Variants in NRXN3 observed in about 807,000 individuals in gnomAD.
NRXN3 encodes neurexin 3, also known as neurexin III.
A neutral mutation model predicts 137.6 loss-of-function variants in NRXN3; 32 were observed. The ratio of observed to expected loss-of-function variants is 0.23; its 90% CI spans 0.18 to 0.31. The LOEUF (loss-of-function observed/expected upper bound fraction) is 0.31. NRXN3 is among the 10% of genes least tolerant of loss of function. NRXN3 has a pLI of 1.00. For missense variants in NRXN3, 1,574 were observed against 2,062.5 expected, an observed-to-expected ratio of 0.76 and a Z score of 4.59; for synonymous variants, 798 against 784.5, an observed-to-expected ratio of 1.02 and a Z score of -0.29.
chr14:78,979,844 C>G (rs934899171), intron 14 of NRXN3, among the ~76,000 whole-genome samples: 1 of 152,124 alleles, frequency 6.6e-6, no homozygotes, highest in Non-Finnish European at 1.5e-5. Flanking sequence ...CCCATCAGAT[C>G]TCATGAGACT....
chr14:78,340,068 A>T (rs1438292473), intron 4 of NRXN3, among the ~76,000 whole-genome samples: 1 of 152,250 alleles, frequency 6.6e-6, no homozygotes, highest in Non-Finnish European at 1.5e-5. Context: ...CTTAGAAAGC[A>T]GGTCTCATCC....
intron 4 of NRXN3, among the ~76,000 whole-genome samples, chr14:78,380,512 AAGG>A (rs2088877194): frequency 6.6e-6 from 1 of 152,144 alleles, no homozygotes; most frequent in South Asian, 2.1e-4. Flanking sequence ...CACAGACACA[AAGG>A]AGAAGGCAAT....
intron 5 of NRXN3, chr14:78,649,342 T>G: frequency 7.9e-7 from 1 of 1,273,258 alleles, no homozygotes; most frequent in Non-Finnish European, 1.0e-6. Context: ...TCTCTTTTTT[T>G]GGGTTTGCCG....
chr14:78,546,217 A>T (rs1239250963), intron 4 of NRXN3, among the ~76,000 whole-genome samples: 1 of 152,364 alleles, frequency 6.6e-6, no homozygotes, highest in East Asian at 1.9e-4. Flanking sequence ...CACATCCCTG[A>T]TAGTGATACG....
At chr14:78,314,942 T>TTCCTTC (rs2078472613) in intron 4 of NRXN3, among the ~76,000 whole-genome samples, 2 of 60,650 alleles carry the variant, frequency 3.3e-5, no homozygotes, top group African/African-American at 7.0e-5. Context: ...TTTCTTTCTT[T>TTCCTTC]CTTCCTTCCT....
At chr14:78,551,183 G>A (rs1034747111) in intron 4 of NRXN3, among the ~76,000 whole-genome samples, 1 of 152,224 alleles carries the variant, frequency 6.6e-6, no homozygotes, top group African/African-American at 2.4e-5. Context: ...GGGCCTCCAT[G>A]TAATCAGAGA....
intron 16 of NRXN3, among the ~76,000 whole-genome samples, chr14:79,496,254 C>G (rs201022697): frequency 7.6e-5 from 11 of 145,174 alleles, no homozygotes; most frequent in African/African-American, 2.7e-4. Flanking sequence ...CACACACACA[C>G]AGACACACAC....
chr14:79,470,026 A>G (rs1215531270), intron 16 of NRXN3, among the ~76,000 whole-genome samples: 1 of 152,172 alleles, frequency 6.6e-6, no homozygotes, highest in East Asian at 1.9e-4. Flanking sequence ...AACTTTTACA[A>G]TCTGTAAAAG....
At chr14:78,506,758 T>C (rs778388451) in intron 4 of NRXN3, among the ~76,000 whole-genome samples, 1 of 148,150 alleles carries the variant, frequency 6.7e-6, no homozygotes, top group Non-Finnish European at 1.5e-5. Flanking sequence ...CAGCCCTAAA[T>C]TCCTGGGCTC....
chr14:79,237,498 G>A lies in NRXN3; in HGVS notation c.3263-229723G>A, dbSNP rs2073594713. The stretch of plus-strand genomic sequence containing the variant: ...TTATCTTAGGTGATATGCTGTGGAA[G>A]GCATGGAGTTTGGCTGCAGGGCTGG... On this transcript the variant is annotated intron_variant, in intron 15 of 20. Coordinates refer to ENST00000335750, the MANE Select transcript of NRXN3 (RefSeq NM_001330195.2). Among the ~76,000 whole-genome samples the A allele has an allele frequency of 2.0e-5, 3 of 152,178 alleles. No homozygotes were observed. The South Asian group carries it at 6.2e-4, about 32-fold the overall frequency.
chr14:79,467,103 T>G (rs542918846), intron 15 of NRXN3, 118 bp from the exon 16 acceptor site: 3 of 971,552 alleles, frequency 3.1e-6, no homozygotes, highest in Non-Finnish European at 4.4e-6. Flanking sequence ...AACCAAATAC[T>G]GTCCCATGGG....
intron 16 of NRXN3, among the ~76,000 whole-genome samples, chr14:79,574,638 G>A (rs2097647921): frequency 6.6e-6 from 1 of 152,048 alleles, no homozygotes; most frequent in Admixed American, 6.6e-5. Context: ...CAGACGTGGT[G>A]GCTGGCTTTA....
chr14:79,496,233 TCTCTCA>T (rs1488503754), intron 16 of NRXN3, among the ~76,000 whole-genome samples: 18 of 144,556 alleles, frequency 1.2e-4, no homozygotes, highest in Admixed American at 3.4e-4. Context: ...TCTCTCTCTC[TCTCTCA>T]CACACACACA....
chr14:78,787,472 A>G (rs2098792520), intron 8 of NRXN3, among the ~76,000 whole-genome samples: 1 of 152,194 alleles, frequency 6.6e-6, no homozygotes, highest in African/African-American at 2.4e-5. Context: ...GTTGTGTAAT[A>G]ATATTTAGAA....
chr14:79,648,679 G>A (rs146999770), intron 16 of NRXN3, among the ~76,000 whole-genome samples: 2 of 85,856 alleles, frequency 2.3e-5, no homozygotes, highest in Admixed American at 1.5e-4. Flanking sequence ...CCTCTCTGTG[G>A]TAGAGGCATG....
At chr14:79,438,282 C>A (rs117994771) in intron 15 of NRXN3, among the ~76,000 whole-genome samples, 3,593 of 152,230 alleles carry the variant, frequency 0.024, 63 homozygotes, top group Middle Eastern at 0.065. Context: ...GGACTCAGCC[C>A]AAGATATTCT....
intron 15 of NRXN3, among the ~76,000 whole-genome samples, chr14:79,395,122 A>C (rs1166158624): frequency 6.6e-6 from 1 of 152,320 alleles, no homozygotes; most frequent in East Asian, 1.9e-4. Flanking sequence ...TCCTGTGTGG[A>C]GCATTGTGCT....
At chr14:78,974,672 G>GC (rs1259367543) in intron 14 of NRXN3, among the ~76,000 whole-genome samples, 1 of 151,992 alleles carries the variant, frequency 6.6e-6, no homozygotes, top group African/African-American at 2.4e-5. Context: ...TTTGTTTGTG[G>GC]CAGGAGCTGC....
At chr14:79,434,375 A>G (rs2095810400) in intron 15 of NRXN3, among the ~76,000 whole-genome samples, 1 of 152,226 alleles carries the variant, frequency 6.6e-6, no homozygotes, top group Non-Finnish European at 1.5e-5. Flanking sequence ...AAGAAGCTTA[A>G]TAAAAATGTA....
Sources: allele counts gnomAD v4.1 joint callset (sites outside exome capture counted in the v4.1 genomes callset), GRCh38; gene constraint gnomAD v4.1.1; transcripts MANE v1.5; gene names NCBI Gene and HGNC (gene_info 2026-07-23, HGNC 2026-07-21).